The following NDST4 variants were observed in gnomAD, a reference collection of about 807,000 sequenced individuals.
NDST4 encodes the protein N-deacetylase and N-sulfotransferase 4.
NDST4 carries 63 observed loss-of-function variants against 100.8 expected under a neutral mutation model. The observed-to-expected ratio is 0.62, with a 90% CI of 0.51 to 0.77. The LOEUF is 0.77. Among genes scored for constraint, NDST4 ranks in the 30% least tolerant of loss-of-function variants. The pLI, the probability that NDST4 is intolerant of heterozygous loss-of-function variation, is 0.00. For missense variants in NDST4, 943 were observed against 1,018.4 expected, an observed-to-expected ratio of 0.93 and a Z score of 1.01; for synonymous variants, 377 against 361.8, an observed-to-expected ratio of 1.04 and a Z score of -0.48.
At chr4:115,026,710 A>C in intron 2 of NDST4, among the ~76,000 whole-genome samples, 2 of 150,224 alleles carry the variant, frequency 1.3e-5, no homozygotes, top group African/African-American at 2.4e-5. Context: ...GCTGGGGGGA[A>C]TTGACTGAGA....
At chr4:115,012,754 C>T (rs568380612) in intron 2 of NDST4, among the ~76,000 whole-genome samples, 5 of 151,906 alleles carry the variant, frequency 3.3e-5, no homozygotes, top group African/African-American at 1.2e-4. Context: ...GTTTTTGCAA[C>T]ATTATTCATA....
chr4:114,863,035 C>T (rs566636255), intron 7 of NDST4, among the ~76,000 whole-genome samples: 20 of 152,202 alleles, frequency 1.3e-4, no homozygotes, highest in Admixed American at 3.9e-4. Context: ...TTCCCTTTAG[C>T]CTGTTAATCA....
At chr4:115,051,132 G>A (rs1417700915) in intron 2 of NDST4, among the ~76,000 whole-genome samples, 2 of 151,940 alleles carry the variant, frequency 1.3e-5, no homozygotes, top group Admixed American at 1.3e-4. Flanking sequence ...CATGCCAGTT[G>A]ATTATTGTTT....
At chr4:115,088,902 G>A (rs1729459293) in intron 1 of NDST4, among the ~76,000 whole-genome samples, 1 of 152,056 alleles carries the variant, frequency 6.6e-6, no homozygotes, top group Non-Finnish European at 1.5e-5. Context: ...TTAGTTTAGT[G>A]AGTGTGTCTG....
At chr4:115,104,540 C>T (rs1729799083) in intron 1 of NDST4, among the ~76,000 whole-genome samples, 3 of 152,068 alleles carry the variant, frequency 2.0e-5, no homozygotes, top group Admixed American at 1.3e-4. Context: ...CATGTTTCTG[C>T]TTACTCCAGC....
intron 2 of NDST4, among the ~76,000 whole-genome samples, chr4:115,009,343 A>G (rs1338772683): frequency 1.6e-5 from 2 of 128,538 alleles, no homozygotes; most frequent in Non-Finnish European, 3.3e-5. Flanking sequence ...AGAGATATAG[A>G]TCAATGGAAC....
chr4:114,908,289 G>A (rs1470017206), intron 6 of NDST4, among the ~76,000 whole-genome samples: 1 of 151,990 alleles, frequency 6.6e-6, no homozygotes, highest in African/African-American at 2.4e-5. Flanking sequence ...AAAATAAAAT[G>A]TTACTTGTGG....
In NDST4 at chr4:114,896,910, C is replaced by G. The variant is rs373751664; in HGVS notation, c.1537-25960G>C. ...CTTTCTTTCTTCCTTATTATTATTTCTTAGTAGACTATTGTTTAGATCAAT... is the reference window on the plus strand; with the variant it reads ...CTTTCTTTCTTCCTTATTATTATTTGTTAGTAGACTATTGTTTAGATCAAT... On this transcript the variant is annotated intron_variant, in intron 6 of 13. Transcript: ENST00000264363. 5.9e-4 allele frequency among the ~76,000 whole-genome samples: 90 copies of G among 152,130 alleles called. 1 individual carries two copies. The highest frequency in any genetic ancestry group is 2.1e-3 in the African/African-American group (86 of 41,516).
Position 114,845,982 on chromosome 4 carries a change from GA to G in NDST4, c.1955del (p.Phe652SerfsTer65). ...CACTTGTAGTATTGGATGGTGTAGG[GA>G]AAAAGTCCATATACCTGAAGGCAGA... ...HKGIDWYMDF[F>X]PTPSNTTSDF... On this transcript the variant is annotated frameshift_variant, in exon 10 of 14. Transcript: ENST00000264363. LOFTEE classifies it high-confidence loss of function. The G allele has an allele frequency of 6.2e-7, 1 of 1,605,870 alleles. No individual in the cohort carries two copies. Among genetic ancestry groups the G allele is most frequent in the Non-Finnish European group, 8.5e-7 (1 of 1,173,634 alleles).
At chr4:114,916,101 A>G (rs1379993591) in intron 6 of NDST4, among the ~76,000 whole-genome samples, 2 of 152,102 alleles carry the variant, frequency 1.3e-5, no homozygotes, top group South Asian at 2.1e-4. Context: ...ATTTATCCTT[A>G]TGTTCTTTAA....
chr4:114,886,880 T>C (rs544384627), intron 6 of NDST4, among the ~76,000 whole-genome samples: 1 of 152,230 alleles, frequency 6.6e-6, no homozygotes, highest in South Asian at 2.1e-4. Context: ...AGTAGAGAAG[T>C]CTTAGCTTTA....
chr4:115,107,955 A>G (rs1292862278), intron 1 of NDST4, among the ~76,000 whole-genome samples: 2 of 152,054 alleles, frequency 1.3e-5, no homozygotes, highest in African/African-American at 2.4e-5. Context: ...TGTTTCAAGG[A>G]AAGAAACTTC....
chr4:115,077,144 C>G lies in NDST4; in HGVS notation c.-108G>C, dbSNP rs1001660725. The G allele has an allele frequency of 3.8e-6, 4 of 1,048,680 alleles. No homozygotes were observed. In the Admixed American group the frequency reaches 8.5e-5, roughly 22 times the overall value. The allele number at this position is 1,048,680 out of a possible 1,614,324, so 65.0% of individuals were successfully genotyped here. On this transcript the variant is annotated 5_prime_UTR_variant, in exon 2 of 14. Coordinates refer to ENST00000264363, the MANE Select transcript of NDST4 (RefSeq NM_022569.3). ...TATCACTTCCCCAGAGTTCATGTAACCATCGCAAATCATGTAAAATGTTTG... is the reference window on the plus strand; with the variant it reads ...TATCACTTCCCCAGAGTTCATGTAAGCATCGCAAATCATGTAAAATGTTTG...
intron 6 of NDST4, among the ~76,000 whole-genome samples, chr4:114,905,710 T>A (rs544271880): frequency 3.3e-5 from 5 of 152,116 alleles, no homozygotes; most frequent in African/African-American, 9.6e-5. Flanking sequence ...AAATTAACCA[T>A]TATCCAATTA....
At chr4:114,957,212 A>G (rs1035933620) in intron 4 of NDST4, among the ~76,000 whole-genome samples, 1 of 152,230 alleles carries the variant, frequency 6.6e-6, no homozygotes, top group Non-Finnish European at 1.5e-5. Flanking sequence ...GAAATACCCA[A>G]GACTGAGTAA....
At chr4:115,087,494 A>G (rs992635030) in intron 1 of NDST4, among the ~76,000 whole-genome samples, 12 of 151,724 alleles carry the variant, frequency 7.9e-5, no homozygotes, top group African/African-American at 2.7e-4. Context: ...CTTCTTCTCT[A>G]GAATTTTTTT....
chr4:114,949,809 C>G (rs1171444820), intron 4 of NDST4, among the ~76,000 whole-genome samples: 1 of 151,988 alleles, frequency 6.6e-6, no homozygotes, highest in Admixed American at 6.6e-5. Context: ...GCTCCACAAG[C>G]AAACTTTGGC....
At chr4:114,963,683 C>T (rs1726316257) in intron 4 of NDST4, among the ~76,000 whole-genome samples, 1 of 152,086 alleles carries the variant, frequency 6.6e-6, no homozygotes, top group African/African-American at 2.4e-5. Flanking sequence ...GTTCTAAATA[C>T]ATTTTCAACT....
intron 2 of NDST4, among the ~76,000 whole-genome samples, chr4:115,053,269 A>G (rs577886075): frequency 2.6e-5 from 4 of 152,284 alleles, no homozygotes; most frequent in African/African-American, 7.2e-5. Context: ...GAACATTTTA[A>G]CACTAGTAAA....
Sources: gnomAD v4.1 joint callset for allele counts (sites outside exome capture counted in the v4.1 genomes callset) on GRCh38, gnomAD v4.1.1 for gene constraint, MANE v1.5 for transcripts, NCBI Gene and HGNC (gene_info 2026-07-23, HGNC 2026-07-21) for gene names.